Variants in MED13 observed in about 807,000 individuals in gnomAD.
MED13 encodes the protein mediator complex subunit 13, also known as mediator of RNA polymerase II transcription subunit 13.
In MED13, 23 loss-of-function variants were observed where a neutral mutation model predicts 225.2. The observed-to-expected ratio is 0.10, with a 90% CI of 0.07 to 0.14. The LOEUF is 0.14. Among genes scored for constraint, MED13 ranks in the 10% least tolerant of loss-of-function variants. The pLI is 1.00. For synonymous variants in MED13, 942 were observed against 889.2 expected (o/e 1.06, Z -1.06); for missense variants, 2,197 against 2,594.5 (o/e 0.85, Z 3.33).
chr17:62,049,162 G>T (rs892175249), intron 3 of MED13, among the ~76,000 whole-genome samples: 2 of 149,058 alleles, frequency 1.3e-5, no homozygotes, highest in South Asian at 4.3e-4. Flanking sequence ...GATGACTACT[G>T]TGAAACAGGA....
In MED13 at chr17:61,943,276, CATAGTGGATGA is replaced by C. The variant is rs2079828264; in HGVS notation, c.*3181_*3191del. 6.6e-6 allele frequency: 1 copy of C among 152,442 alleles called. No homozygotes were observed. The highest frequency in any genetic ancestry group is 2.4e-5 in the African/African-American group (1 of 41,412). 9.4% of individuals were successfully genotyped at this position (152,442 alleles called of 1,614,324 possible). On this transcript the variant is annotated 3_prime_UTR_variant, in exon 30 of 30. Transcript: ENST00000397786. Reference sequence around the variant, plus strand: ...GTATTAACTGATTGATATGCAATGCCATAGTGGATGAATAGCAAATTATATGATGCAATAGC... The same window carrying C: ...GTATTAACTGATTGATATGCAATGCCATAGCAAATTATATGATGCAATAGC...
At chr17:62,031,233 GA>G in intron 6 of MED13, 1 of 442,644 alleles carries the variant, frequency 2.3e-6, no homozygotes, top group Non-Finnish European at 4.0e-6. Context: ...AAATGGTTCA[GA>G]AAAAGACCAA....
At chr17:62,046,419 C>T (rs2080898548) in intron 3 of MED13, among the ~76,000 whole-genome samples, 1 of 152,220 alleles carries the variant, frequency 6.6e-6, no homozygotes, top group Non-Finnish European at 1.5e-5. Context: ...TAACACTTCA[C>T]TAATAAAATA....
chr17:61,964,913 G>C, intron 20 of MED13, 93 bp downstream of exon 20: 1 of 1,223,150 alleles, frequency 8.2e-7, no homozygotes, highest in Non-Finnish European at 1.1e-6. Flanking sequence ...TACAGCCTGC[G>C]CAAAAGAGTG....
chr17:61,987,839 C>G (rs1447036068), intron 11 of MED13, among the ~76,000 whole-genome samples: 1 of 151,984 alleles, frequency 6.6e-6, no homozygotes, highest in Non-Finnish European at 1.5e-5. Context: ...GTAGCCTTGA[C>G]CTCTCGGGTT....
chr17:62,058,516 A>T (rs992322808), intron 2 of MED13, among the ~76,000 whole-genome samples: 3 of 134,070 alleles, frequency 2.2e-5, no homozygotes, highest in Admixed American at 7.5e-5. Flanking sequence ...GCGAGACTTC[A>T]TCTCAAAAAA....
At chr17:61,964,034 C>T (rs1403002203) in intron 20 of MED13, among the ~76,000 whole-genome samples, 1 of 152,136 alleles carries the variant, frequency 6.6e-6, no homozygotes. Context: ...AGGTAAATGG[C>T]AGAGCTGAGA....
In MED13 at chr17:61,983,143, AAT is replaced by A. The variant is rs540616784; in HGVS notation, c.2889-31_2889-30del. ...TCATCACCAGGGTAAAAGAAGATCA[AAT>A]ATATATATAAAGGAACATATTAGTA... On this transcript the variant is annotated intron_variant, in intron 15 of 29. Coordinates refer to ENST00000397786, the MANE Select transcript of MED13 (RefSeq NM_005121.3). 1,953 of 1,500,154 alleles carry A rather than the reference AAT, an allele frequency of 1.3e-3. 2 individuals are homozygous for A. The highest frequency in any genetic ancestry group is 2.5e-3 in the Admixed American group (121 of 47,722). The allele number at this position is 1,500,154 out of a possible 1,614,324, so 92.9% of individuals were successfully genotyped here.
intron 8 of MED13, among the ~76,000 whole-genome samples, chr17:62,015,954 ATTTTTTTTTTTT>A (rs869061252): frequency 0.014 from 186 of 12,860 alleles, 9 homozygotes; most frequent in African/African-American, 0.072. Flanking sequence ...ATATATATAT[ATTTTTTTTTTTT>A]TTTTTTTTTT....
intron 26 of MED13, among the ~76,000 whole-genome samples, chr17:61,954,834 A>T (rs531471671): frequency 6.6e-6 from 1 of 152,310 alleles, no homozygotes; most frequent in South Asian, 2.1e-4. Flanking sequence ...ACCAGTTCTG[A>T]TATCAACAAG....
chr17:61,965,983 T>C lies in MED13; in HGVS notation c.4381+479A>G, dbSNP rs1241583134. Among the ~76,000 whole-genome samples the C allele has an allele frequency of 5.1e-4, 78 of 152,134 alleles. 1 individual carries two copies. On this transcript the variant is annotated intron_variant, in intron 19 of 29. Coordinates refer to ENST00000397786, the MANE Select transcript of MED13 (RefSeq NM_005121.3). ...TATTTTCAAGAGTATTTATAAGCAA[T>C]ACAGTTAGGCACGGGTAGAATGAAA...
Position 61,953,121 on chromosome 17 carries a change from G to C in MED13, c.5969-8C>G. The C allele has an allele frequency of 6.2e-7, 1 of 1,604,048 alleles. No individual in the cohort carries two copies. The highest frequency in any genetic ancestry group is 1.7e-4 in the Middle Eastern group (1 of 5,994). On this transcript the variant is annotated splice_region_variant and splice_polypyrimidine_tract_variant and intron_variant, in intron 26 of 29. Coordinates refer to ENST00000397786, the MANE Select transcript of MED13 (RefSeq NM_005121.3). ...CCATTCCATCTGCTCCATCTAAACA[G>C]GAGAAAGAAAAGAAATTTAAAACTC...
intron 9 of MED13, among the ~76,000 whole-genome samples, chr17:61,999,003 A>C (rs1380993694): frequency 2.0e-5 from 3 of 149,342 alleles, no homozygotes; most frequent in African/African-American, 4.9e-5. Context: ...TCACTGTCAA[A>C]GGAAAGCTTT....
rs775006631 is a variant in MED13 at position 62,065,125 on chromosome 17, G to A, written c.66+15C>T. On this transcript the variant is annotated intron_variant, in intron 1 of 29. Transcript: ENST00000397786. The stretch of plus-strand genomic sequence containing the variant: ...CGGCCCCCCTCCCTCGGCGCCCGCC[G>A]GCCCCGGCACTCACCAGGCAGAAGA... 1.2e-5 allele frequency: 19 copies of A among 1,539,470 alleles called. No individual in the cohort carries two copies. The South Asian group carries it at 1.7e-4, about 14-fold the overall frequency.
At chr17:61,948,716 G>A (rs2079870485) in intron 28 of MED13, among the ~76,000 whole-genome samples, 1 of 151,682 alleles carries the variant, frequency 6.6e-6, no homozygotes, top group African/African-American at 2.4e-5. Flanking sequence ...GTGAGCCACT[G>A]CACCCGGCAG....
Position 62,063,276 on chromosome 17 carries a change from T to G in MED13, c.92A>C (p.Lys31Thr), listed in dbSNP as rs1199893500. 2 of 1,612,970 alleles carry G rather than the reference T, an allele frequency of 1.2e-6. No individual in the cohort carries two copies. Among genetic ancestry groups the G allele is most frequent in the Non-Finnish European group, 1.7e-6 (2 of 1,179,518 alleles). The change falls in exon 2 of 30, where the codon AAA becomes ACA. Residue 31 changes from lysine to threonine, a missense_variant. Lys to Thr is a moderately conservative substitution (Grantham distance 78). Coordinates refer to ENST00000397786, the MANE Select transcript of MED13 (RefSeq NM_005121.3). ...CLADLTGIKW[K>T]KYVWQGPTSA... The stretch of plus-strand genomic sequence containing the variant: ...AGTTGGGCCTTGCCATACATATTTT[T>G]TCCACTTAATTCCTGTCAAGTCAGC...
chr17:62,024,697 C>T (rs1225259034), intron 8 of MED13, among the ~76,000 whole-genome samples: 1 of 152,144 alleles, frequency 6.6e-6, no homozygotes, highest in African/African-American at 2.4e-5. Flanking sequence ...TCCTCCCAGC[C>T]TCCACTGGAC....
intron 10 of MED13, among the ~76,000 whole-genome samples, chr17:61,994,260 G>A (rs1281254747): frequency 1.3e-5 from 2 of 152,120 alleles, no homozygotes; most frequent in East Asian, 3.9e-4. Flanking sequence ...GCCTCCCAAA[G>A]TGCTGGGATT....
intron 2 of MED13, among the ~76,000 whole-genome samples, chr17:62,059,009 T>C (rs1317985729): frequency 6.6e-6 from 1 of 152,204 alleles, no homozygotes; most frequent in Non-Finnish European, 1.5e-5. Flanking sequence ...AAATGCACTA[T>C]GGAATCTGAA....
Sources: allele counts gnomAD v4.1 joint callset (sites outside exome capture counted in the v4.1 genomes callset), GRCh38; gene constraint gnomAD v4.1.1; transcripts MANE v1.5; gene names NCBI Gene and HGNC (gene_info 2026-07-23, HGNC 2026-07-21).